Variants in ADCY1 observed in about 807,000 individuals in gnomAD.
ADCY1 encodes the protein adenylate cyclase type 1.
Under a neutral mutation model 105.4 loss-of-function variants are expected in ADCY1, and 28 were observed. The ratio of observed to expected loss-of-function variants is 0.27; its 90% confidence interval spans 0.20 to 0.36. ADCY1 has a LOEUF of 0.36. ADCY1 is among the 10% of genes least tolerant of loss of function. The pLI is 1.00. For missense variants in ADCY1, 977 were observed against 1,434.2 expected (o/e 0.68, Z 5.15); for synonymous variants, 655 against 623.8 (o/e 1.05, Z -0.75).
intron 8 of ADCY1, among the ~76,000 whole-genome samples, chr7:45,670,798 A>G (rs1054261365): frequency 7.4e-5 from 11 of 149,604 alleles, no homozygotes; most frequent in African/African-American, 2.5e-4. Context: ...ATCTGCCCCA[A>G]CTGGAGGGTG....
At chr7:45,599,038 C>T (rs1045841295) in intron 2 of ADCY1, among the ~76,000 whole-genome samples, 3 of 152,204 alleles carry the variant, frequency 2.0e-5, no homozygotes, top group Non-Finnish European at 2.9e-5. Context: ...GAGCGAGGGG[C>T]AGGGCATGCT....
chr7:45,672,099 T>C (rs1441212391), intron 8 of ADCY1, among the ~76,000 whole-genome samples: 3 of 152,220 alleles, frequency 2.0e-5, no homozygotes, highest in African/African-American at 7.2e-5. Context: ...TGATCCATTT[T>C]GAGTTCATTT....
chr7:45,652,875 G>C (rs987439566), intron 5 of ADCY1, among the ~76,000 whole-genome samples: 1 of 152,200 alleles, frequency 6.6e-6, no homozygotes, highest in Non-Finnish European at 1.5e-5. Context: ...GGGAGCCACA[G>C]CATCCAAAGG....
chr7:45,683,388 C>A (rs1334774821), intron 11 of ADCY1, among the ~76,000 whole-genome samples: 1 of 152,106 alleles, frequency 6.6e-6, no homozygotes, highest in Non-Finnish European at 1.5e-5. Context: ...AGGGGAACTG[C>A]CCAAAGTTCT....
intron 3 of ADCY1, among the ~76,000 whole-genome samples, chr7:45,611,745 A>G (rs1793599199): frequency 6.6e-6 from 1 of 151,652 alleles, no homozygotes; most frequent in Non-Finnish European, 1.5e-5. Flanking sequence ...GAATGGTTTG[A>G]GTGTTGCCTA....
Position 45,701,960 on chromosome 7 carries a change from C to G in ADCY1, c.2455-1416C>G, listed in dbSNP as rs749289147. Among the ~76,000 whole-genome samples the G allele has an allele frequency of 3.3e-5, 5 of 152,302 alleles. No homozygotes were observed. The East Asian group carries it at 9.6e-4, about 29-fold the overall frequency. ...AGGGACAGGAAGAAACACCTGGCGC[C>G]GTCTATCTCCATGGATCGCACTGAT... On this transcript the variant is annotated intron_variant, in intron 14 of 19. Coordinates refer to ENST00000297323, the MANE Select transcript of ADCY1 (RefSeq NM_021116.4).
intron 3 of ADCY1, among the ~76,000 whole-genome samples, chr7:45,610,760 A>AGGTGATGGTGGAAGCGTG (rs1793525963): frequency 8.5e-4 from 2 of 2,360 alleles, no homozygotes; most frequent in African/African-American, 1.8e-3. Context: ...ATGGAGGTGT[A>AGGTGATGGTGGAAGCGTG]GAGGTGATAG....
intron 19 of ADCY1, among the ~76,000 whole-genome samples, chr7:45,712,369 C>G (rs1440264840): frequency 2.0e-5 from 3 of 151,532 alleles, no homozygotes; most frequent in Non-Finnish European, 4.4e-5. Flanking sequence ...TCCTGCCCAC[C>G]CCAGCCTGGC....
chr7:45,687,767 G>A (rs1784713089), intron 14 of ADCY1, among the ~76,000 whole-genome samples: 1 of 152,232 alleles, frequency 6.6e-6, no homozygotes, highest in Non-Finnish European at 1.5e-5. Context: ...GAGTCGGGCA[G>A]CCAGAAGGTG....
chr7:45,694,115 T>TAAAAAAAAA (rs140981457), intron 14 of ADCY1, among the ~76,000 whole-genome samples: 2 of 115,454 alleles, frequency 1.7e-5, no homozygotes, highest in Non-Finnish European at 1.8e-5. Context: ...TAGAGTATAA[T>TAAAAAAAAA]AAAAAAAAAA....
intron 1 of ADCY1, among the ~76,000 whole-genome samples, chr7:45,585,738 C>T (rs761254023): frequency 2.6e-5 from 4 of 152,180 alleles, no homozygotes; most frequent in Non-Finnish European, 4.4e-5. Context: ...TGAGCCACCA[C>T]ACCTGGCCCA....
At chr7:45,609,945 C>T (rs1366533337) in intron 2 of ADCY1, among the ~76,000 whole-genome samples, 2 of 152,198 alleles carry the variant, frequency 1.3e-5, no homozygotes, top group Admixed American at 6.5e-5. Context: ...CGTAGCCCGC[C>T]TATCTGTGTA....
intron 4 of ADCY1, among the ~76,000 whole-genome samples, chr7:45,645,744 G>T (rs915805565): frequency 6.6e-6 from 1 of 152,100 alleles, no homozygotes; most frequent in Non-Finnish European, 1.5e-5. Context: ...TGAGATGCAG[G>T]GATGATCAGG....
intron 11 of ADCY1, 142 bp downstream of exon 11, chr7:45,679,935 T>C: frequency 9.4e-7 from 1 of 1,062,390 alleles, no homozygotes. Context: ...TGTTCAGGTA[T>C]GTGGGTGGCC....
At chr7:45,662,891 C>T (rs890458310) in intron 8 of ADCY1, among the ~76,000 whole-genome samples, 17 of 152,210 alleles carry the variant, frequency 1.1e-4, no homozygotes, top group African/African-American at 3.9e-4. Context: ...TTTGCAGTTC[C>T]AGTGTCACCC....
chr7:45,634,211 G>C (rs540015292), intron 4 of ADCY1, among the ~76,000 whole-genome samples: 16 of 152,130 alleles, frequency 1.1e-4, no homozygotes, highest in Admixed American at 2.0e-4. Context: ...TTTCCCGCTT[G>C]GGTGCCTTTT....
At chr7:45,711,918 A>AT (rs563184285) in intron 19 of ADCY1, among the ~76,000 whole-genome samples, 1,593 of 109,262 alleles carry the variant, frequency 0.015, 48 homozygotes, top group Non-Finnish European at 0.021. Context: ...ATATAAATAT[A>AT]TTATATATTA....
At chr7:45,693,619 T>C (rs1784823422) in intron 14 of ADCY1, among the ~76,000 whole-genome samples, 1 of 151,990 alleles carries the variant, frequency 6.6e-6, no homozygotes, top group Middle Eastern at 3.4e-3. Flanking sequence ...AGTTTATTTG[T>C]GTAGAGGTGT....
In ADCY1 at chr7:45,591,825, G is replaced by A. The variant is rs1792925457; in HGVS notation, c.640-934G>A. 6.6e-6 allele frequency among the ~76,000 whole-genome samples: 1 copy of A among 152,156 alleles called. No individual in the cohort carries two copies. The highest frequency in any genetic ancestry group is 1.9e-4 in the East Asian group (1 of 5,186). On this transcript the variant is annotated intron_variant, in intron 1 of 19. Transcript: ENST00000297323. This position sits in a 1 kb window ranked among gnomAD's most constrained non-coding sequence, Gnocchi z 4.1. ...GAACCCTGGGTCAGGCTGGCCCCAG[G>A]TGCCTGATGCCTGGGTCTGAGCCTG...
Sources: gnomAD v4.1 joint callset for allele counts (sites outside exome capture counted in the v4.1 genomes callset) on GRCh38, gnomAD v4.1.1 for gene constraint, Gnocchi (gnomAD v3.1) non-coding constraint, MANE v1.5 for transcripts, NCBI Gene and HGNC (gene_info 2026-07-23, HGNC 2026-07-21) for gene names.